The following JPH1 variants were observed in gnomAD, a reference collection of about 807,000 sequenced individuals.
JPH1 encodes the protein junctophilin-1.
JPH1 carries 12 observed loss-of-function variants against 53.6 expected under a neutral mutation model. The observed-to-expected ratio is 0.22, with a 90% CI of 0.14 to 0.36. The LOEUF (loss-of-function observed/expected upper bound fraction) is 0.36. Among genes scored for constraint, JPH1 ranks in the 10% least tolerant of loss-of-function variants. The pLI is 1.00. For synonymous variants in JPH1, 375 were observed against 363.8 expected (o/e 1.03, Z -0.35); for missense variants, 808 against 905.5 (o/e 0.89, Z 1.38).
intron 2 of JPH1, among the ~76,000 whole-genome samples, chr8:74,278,032 T>C (rs1480171069): frequency 6.6e-6 from 1 of 152,172 alleles, no homozygotes; most frequent in African/African-American, 2.4e-5. Flanking sequence ...TTCCCATTTC[T>C]AAACAAAAAG....
chr8:74,279,349 GA>G (rs1202236400), intron 2 of JPH1, among the ~76,000 whole-genome samples: 1 of 152,336 alleles, frequency 6.6e-6, no homozygotes, highest in Admixed American at 6.5e-5. Context: ...GGTAAATTGG[GA>G]AGTGGAGCAG....
intron 2 of JPH1, among the ~76,000 whole-genome samples, chr8:74,266,933 G>C (rs1386745691): frequency 1.3e-5 from 2 of 152,194 alleles, no homozygotes; most frequent in African/African-American, 4.8e-5. Flanking sequence ...AATGCAGGCA[G>C]ACTTATGTGT....
chr8:74,299,260 G>T (rs1389686385), intron 2 of JPH1, among the ~76,000 whole-genome samples: 3 of 152,056 alleles, frequency 2.0e-5, no homozygotes, highest in Admixed American at 1.3e-4. Flanking sequence ...TATTCACCTC[G>T]TCTTTCTAAT....
intron 2 of JPH1, among the ~76,000 whole-genome samples, chr8:74,286,011 G>A (rs988020304): frequency 2.0e-5 from 3 of 152,110 alleles, no homozygotes; most frequent in African/African-American, 7.2e-5. Flanking sequence ...CAAAAAATAC[G>A]GAAAGTTAAA....
rs573573082 is a variant in JPH1, at chr8:74,308,221, C to T, written c.1139+6640G>A. On this transcript the variant is annotated intron_variant, in intron 2 of 5. Coordinates refer to ENST00000342232, the MANE Select transcript of JPH1 (RefSeq NM_020647.4). ...GGATAAGCTGACTTCCTGGAGTTTC[C>T]ACATCTGGAAGGGAATCTCTTACAT... Among the ~76,000 whole-genome samples, 4 of 152,254 alleles carry T rather than the reference C, an allele frequency of 2.6e-5. No homozygotes were observed. The South Asian group carries it at 8.3e-4, about 32-fold the overall frequency.
intron 2 of JPH1, among the ~76,000 whole-genome samples, chr8:74,260,701 G>C (rs964045193): frequency 6.6e-6 from 1 of 152,144 alleles, no homozygotes; most frequent in African/African-American, 2.4e-5. Context: ...GGAGCTCCTG[G>C]GACCAAAACA....
intron 2 of JPH1, among the ~76,000 whole-genome samples, chr8:74,306,899 C>T (rs181326767): frequency 6.2e-4 from 94 of 152,226 alleles, no homozygotes; most frequent in African/African-American, 2.0e-3. Flanking sequence ...GCCCGGCCTA[C>T]ACTAACATAC....
At chr8:74,247,459 C>A (rs1415050285) in intron 3 of JPH1, among the ~76,000 whole-genome samples, 1 of 152,136 alleles carries the variant, frequency 6.6e-6, no homozygotes, top group Non-Finnish European at 1.5e-5. Context: ...CTTTTAACAT[C>A]TTTGATCTAA....
intron 2 of JPH1, among the ~76,000 whole-genome samples, chr8:74,302,540 T>A (rs560509096): frequency 6.8e-4 from 104 of 152,338 alleles, no homozygotes; most frequent in South Asian, 1.7e-3. Context: ...GGAAGAGACA[T>A]TTTATTTCTT....
intron 3 of JPH1, among the ~76,000 whole-genome samples, chr8:74,247,021 T>C (rs896348264): frequency 3.9e-5 from 6 of 152,220 alleles, no homozygotes; most frequent in African/African-American, 2.4e-5. Flanking sequence ...TGTCTGGACA[T>C]AGCATTAAGG....
rs774486294 is a variant in JPH1 at position 74,321,068 on chromosome 8, C to T, written c.220G>A (p.Val74Met). The change falls in exon 1 of 6, where the codon GTG becomes ATG. Residue 74 changes from valine (V) to methionine (M), a missense_variant. Physicochemically the swap from Val to Met is conservative, Grantham distance 21 (BLOSUM62 1). This residue lies in a region of JPH1 where 756 missense variants were observed against 811.9 expected (regional missense o/e 0.93). Coordinates refer to ENST00000342232, the MANE Select transcript of JPH1 (RefSeq NM_020647.4). This position sits in a 1 kb window ranked among gnomAD's most constrained non-coding sequence, Gnocchi z 4.3. ...TACATCCACTTGCCCTTCGTCTCCACCCCCAGCCCGTGCCGCTTGCCCTGC... is the reference window on the plus strand; with the variant it reads ...TACATCCACTTGCCCTTCGTCTCCATCCCCAGCCCGTGCCGCTTGCCCTGC... Reference protein sequence around the residue: ...WAQGKRHGLGVETKGKWMYRG... With the variant: ...WAQGKRHGLGMETKGKWMYRG... 1.2e-5 allele frequency: 19 copies of T among 1,613,326 alleles called. No individual in the cohort carries two copies. The African/African-American group carries it at 1.5e-4, about 12-fold the overall frequency.
In JPH1 at chr8:74,244,996, G is replaced by C. The variant is rs145135066; in HGVS notation, c.1438C>G (p.Pro480Ala). 1.9e-6 allele frequency: 3 copies of C among 1,613,916 alleles called. No individual in the cohort carries two copies. The African/African-American group carries it at 4.0e-5, about 22-fold the overall frequency. Residue 480 changes from proline to alanine, a missense_variant, in exon 4 of 6, where the codon CCA becomes GCA. Pro to Ala is a conservative substitution (Grantham distance 27). Coordinates refer to ENST00000342232, the MANE Select transcript of JPH1 (RefSeq NM_020647.4). ...PKHSHSPASS[P>A]KPLKKQNPSS... ...GGGTTTTGCTTCTTCAGGGGCTTTG[G>C]GGAGGAAGCAGGAGAGTGGCTGTGT... is the stretch of plus-strand genomic sequence containing the variant.
intron 2 of JPH1, among the ~76,000 whole-genome samples, chr8:74,270,640 T>A (rs1435391574): frequency 6.6e-6 from 1 of 152,174 alleles, no homozygotes; most frequent in Non-Finnish European, 1.5e-5. Context: ...TTTTCCTTCA[T>A]TAAAAATGGT....
intron 3 of JPH1, among the ~76,000 whole-genome samples, chr8:74,254,932 G>A (rs1806173594): frequency 6.6e-6 from 1 of 152,152 alleles, no homozygotes; most frequent in Non-Finnish European, 1.5e-5. Context: ...ATGCTCATGG[G>A]TAGGAAGAAT....
chr8:74,315,454 G>T lies in JPH1; in HGVS notation c.546C>A (p.Ala182=), dbSNP rs746589129. ...NGSVLHDAAA[A]ADSPAGTRGG... is the part of the protein sequence containing the mutation. ...CGCGGGTGCCGGCCGGGCTGTCGGC[G>T]GCGGCTGCGGCGTCGTGGAGCACGC... The change falls in exon 2 of 6, where the codon GCC becomes GCA. Residue 182 remains alanine, a synonymous_variant. Coordinates refer to ENST00000342232, the MANE Select transcript of JPH1 (RefSeq NM_020647.4). The surrounding 1 kb of genome is among the most constrained non-coding windows in gnomAD (Gnocchi z 6.3). 3 of 1,608,590 alleles carry T rather than the reference G, an allele frequency of 1.9e-6. No homozygotes were observed. In the African/African-American group the frequency reaches 4.0e-5, roughly 22 times the overall value.
chr8:74,298,251 A>C (rs1288184955), intron 2 of JPH1, among the ~76,000 whole-genome samples: 2 of 152,244 alleles, frequency 1.3e-5, no homozygotes, highest in Admixed American at 6.5e-5. Context: ...ATCAGCCTTT[A>C]TGGTGCCACT....
chr8:74,258,314 A>G (rs1255847190), intron 3 of JPH1, among the ~76,000 whole-genome samples: 1 of 152,240 alleles, frequency 6.6e-6, no homozygotes, highest in East Asian at 1.9e-4. Context: ...GATGCCTCAA[A>G]CAATCACGGA....
intron 2 of JPH1, among the ~76,000 whole-genome samples, chr8:74,297,672 T>C (rs1807559470): frequency 6.6e-6 from 1 of 152,246 alleles, no homozygotes; most frequent in Non-Finnish European, 1.5e-5. Flanking sequence ...AGCCATGTGC[T>C]CATTCTTTTG....
At chr8:74,242,351 C>T (rs562831109) in intron 4 of JPH1, among the ~76,000 whole-genome samples, 1 of 152,300 alleles carries the variant, frequency 6.6e-6, no homozygotes, top group Non-Finnish European at 1.5e-5. Context: ...AGTATTGACT[C>T]ATTTAATCTT....
Sources: gnomAD v4.1 joint callset for allele counts (sites outside exome capture counted in the v4.1 genomes callset) on GRCh38, gnomAD v4.1.1 for gene constraint, gnomAD v4.1.1 regional missense constraint, Gnocchi (gnomAD v3.1) non-coding constraint, MANE v1.5 for transcripts, NCBI Gene and HGNC (gene_info 2026-07-23, HGNC 2026-07-21) for gene names.